SUGP2: variants seen among roughly 807,000 people sequenced by gnomAD.
SUGP2 encodes the protein SURP and G-patch domain-containing protein 2.
Under a neutral mutation model 90.5 loss-of-function variants are expected in SUGP2, and 24 were observed. That is an observed-to-expected ratio of 0.27 (90% CI 0.19 to 0.37). SUGP2 has a LOEUF of 0.37. Ranked by LOEUF, SUGP2 falls within the 10% of genes least tolerant of loss-of-function variation. The pLI is 1.00. For synonymous variants in SUGP2, 473 were observed against 513.4 expected (o/e 0.92, Z 1.06); for missense variants, 1,233 against 1,363.3 (o/e 0.90, Z 1.51).
intron 6 of SUGP2, among the ~76,000 whole-genome samples, chr19:19,008,052 A>G (rs544623390): frequency 6.6e-6 from 1 of 152,144 alleles, no homozygotes; most frequent in Admixed American, 6.5e-5. Context: ...TGAAGTCATG[A>G]CTTACTCCTG....
chr19:19,022,740 G>A (rs1432736630), intron 3 of SUGP2, among the ~76,000 whole-genome samples: 2 of 152,126 alleles, frequency 1.3e-5, no homozygotes, highest in Non-Finnish European at 2.9e-5. Context: ...CTTAAGCCCT[G>A]AGCCTACTTC....
In SUGP2 at chr19:19,025,247, G is replaced by A. The variant is rs748433003; in HGVS notation, c.1101C>T (p.Ala367=). 6 of 1,613,202 alleles carry A rather than the reference G, an allele frequency of 3.7e-6. No homozygotes were observed. In the South Asian group the frequency reaches 6.6e-5, roughly 18 times the overall value. The part of the protein sequence containing the change: ...LETETCAKML[A]SFKCSLKPEH... The stretch of plus-strand genomic sequence containing the variant: ...CTGGTTTTAAGGAACATTTGAATGA[G>A]GCAAGCATTTTAGCACAGGTTTCTG... Residue 367 remains alanine, a synonymous_variant, in exon 3 of 11, where the codon GCC becomes GCT. Transcript: ENST00000452918.
At chr19:19,015,320 G>A (rs1462897973) in intron 4 of SUGP2, among the ~76,000 whole-genome samples, 1 of 152,172 alleles carries the variant, frequency 6.6e-6, no homozygotes, top group African/African-American at 2.4e-5. Context: ...ATGGAAACAG[G>A]TCACAGCAGA....
Position 19,004,490 on chromosome 19 carries a change from T to C in SUGP2, c.2607A>G (p.Glu869=). ...GCTCGTCTTCAAACTCTGCTTCCCC[T>C]TCCATGAGGTCCACGGGGCTCTCCT... ...GSQESPVDLM[E]GEAEFEDEPP... Residue 869 remains glutamate, a synonymous_variant, in exon 7 of 11, where the codon GAA becomes GAG. Coordinates refer to ENST00000452918, the MANE Select transcript of SUGP2 (RefSeq NM_001017392.5). 2 of 1,614,220 alleles carry C rather than the reference T, an allele frequency of 1.2e-6. No individual in the cohort carries two copies. The highest frequency in any genetic ancestry group is 1.7e-6 in the Non-Finnish European group (2 of 1,180,034).
Position 19,008,406 on chromosome 19 carries a change from A to G in SUGP2, c.2361T>C (p.Thr787=), listed in dbSNP as rs2058171886. ...CAACAAATCTAGCCAGTTTCTCTGC[A>G]GTCTCCATTGTCTTCATGTCAACTA... ...SADIDMKTME[T]AEKLARFVAQ... The change falls in exon 6 of 11, where the codon ACT becomes ACC. Residue 787 remains threonine (T), a synonymous_variant. Transcript: ENST00000452918. 1 of 1,614,146 alleles carries G rather than the reference A, an allele frequency of 6.2e-7. No homozygotes were observed. The highest frequency in any genetic ancestry group is 8.5e-7 in the Non-Finnish European group (1 of 1,179,974).
In SUGP2 at chr19:18,993,582, A is replaced by G. The variant is rs1350357840; in HGVS notation, c.*159T>C. On this transcript the variant is annotated 3_prime_UTR_variant, in exon 11 of 11. Coordinates refer to ENST00000452918, the MANE Select transcript of SUGP2 (RefSeq NM_001017392.5). ...TGTTTTTTTCTTTGAGAGAAAGAAA[A>G]GCCAGCGAAACCTCCGCCCCAGAGA... 2.0e-5 allele frequency: 3 copies of G among 152,654 alleles called. No individual in the cohort carries two copies. The highest frequency in any genetic ancestry group is 4.4e-5 in the Non-Finnish European group (3 of 68,048). 9.5% of individuals were successfully genotyped at this position (152,654 alleles called of 1,614,324 possible).
chr19:18,994,488 T>TA lies in SUGP2; in HGVS notation c.3129-3dup, dbSNP rs763546875. The TA allele has an allele frequency of 3.1e-6, 5 of 1,613,432 alleles. No individual in the cohort carries two copies. In the African/African-American group the frequency reaches 6.7e-5, roughly 22 times the overall value. On this transcript the variant is annotated splice_region_variant and splice_polypyrimidine_tract_variant and intron_variant, in intron 9 of 10. Transcript: ENST00000452918. The stretch of plus-strand genomic sequence containing the variant: ...CCTTCCCCTTCCGAGGGGGTTCCCC[T>TA]AGGGAGTGAAAAAGAGAGTCAGTTG...
intron 8 of SUGP2, chr19:18,998,872 G>C (rs977321582): frequency 1.3e-5 from 2 of 152,378 alleles, no homozygotes; most frequent in African/African-American, 2.4e-5. Context: ...CTACACTGGG[G>C]GGCCCCTTGC....
intron 4 of SUGP2, among the ~76,000 whole-genome samples, chr19:19,015,035 A>G (rs1165336456): frequency 6.6e-6 from 1 of 151,814 alleles, no homozygotes; most frequent in Non-Finnish European, 1.5e-5. Flanking sequence ...TCCCGTCTCT[A>G]CTAAAAATAC....
At chr19:19,005,872 CA>C (rs60490883) in intron 6 of SUGP2, among the ~76,000 whole-genome samples, 4,312 of 34,422 alleles carry the variant, frequency 0.13, 182 homozygotes, top group African/African-American at 0.27. Flanking sequence ...CACACACACA[CA>C]CACACACACA....
chr19:19,021,420 T>A (rs990538226), intron 3 of SUGP2, among the ~76,000 whole-genome samples: 2 of 152,088 alleles, frequency 1.3e-5, no homozygotes, highest in Non-Finnish European at 2.9e-5. Flanking sequence ...TTCATGGCTC[T>A]CTTTTTACAG....
At position 19,024,761 on chromosome 19, in the gene SUGP2, G is replaced by T; in HGVS notation, c.1587C>A (p.Asp529Glu). 6.2e-7 allele frequency: 1 copy of T among 1,614,176 alleles called. No individual in the cohort carries two copies. Among genetic ancestry groups the T allele is most frequent in the Non-Finnish European group, 8.5e-7 (1 of 1,180,040 alleles). The change falls in exon 3 of 11, where the codon GAC (aspartate) becomes GAA (glutamate). Residue 529 changes from aspartate (D) to glutamate (E), a missense_variant. Asp to Glu is a conservative substitution (Grantham distance 45, BLOSUM62 2). Coordinates refer to ENST00000452918, the MANE Select transcript of SUGP2 (RefSeq NM_001017392.5). ...TGCTGACTAGCCAGGCCTTCAGGTG[G>T]TCTATGTACTCTCGCCCAAACAAAG... is the stretch of plus-strand genomic sequence containing the variant. ...DSTLFGREYI[D>E]HLKAWLVSSG... is the part of the protein sequence containing the mutation.
chr19:19,030,130 T>C (rs1422246196), intron 2 of SUGP2, among the ~76,000 whole-genome samples: 3 of 149,668 alleles, frequency 2.0e-5, no homozygotes, highest in South Asian at 2.1e-4. Context: ...CCTGAAAACA[T>C]AGCAAGACTC....
At position 19,004,637 on chromosome 19, in the gene SUGP2, A is replaced by T; in HGVS notation, c.2460T>A (p.His820Gln). ...ATTTGAAAGCAGAACTATTTTGGTCATGTAGAAACCTGGGGCACAGAGGAA... is the reference window on the plus strand; with the variant it reads ...ATTTGAAAGCAGAACTATTTTGGTCTTGTAGAAACCTGGGGCACAGAGGAA... ...STDNPDLWFL[H>Q]DQNSSAFKFY... The change falls in exon 7 of 11, where the codon CAT becomes CAA. Residue 820 changes from histidine (H) to glutamine (Q), a missense_variant. Transcript: ENST00000452918. 1 of 1,604,288 alleles carries T rather than the reference A, an allele frequency of 6.2e-7. No individual in the cohort carries two copies.
chr19:19,019,719 T>A (rs2058636978), intron 3 of SUGP2, among the ~76,000 whole-genome samples: 1 of 150,352 alleles, frequency 6.7e-6, no homozygotes, highest in Non-Finnish European at 1.5e-5. Flanking sequence ...ACAGAGGTTA[T>A]AGGGGGTAGA....
At chr19:19,018,698 A>AAG (rs1383070323) in intron 4 of SUGP2, among the ~76,000 whole-genome samples, 1 of 151,952 alleles carries the variant, frequency 6.6e-6, no homozygotes, top group African/African-American at 2.4e-5. Flanking sequence ...AAAAAAAAAA[A>AAG]AAAAAAAAAA....
At position 18,994,462 on chromosome 19, in the gene SUGP2, C is replaced by T; in HGVS notation, c.3153G>A (p.Gly1051=). The T allele has an allele frequency of 6.2e-7, 1 of 1,614,182 alleles. No individual in the cohort carries two copies. The highest frequency in any genetic ancestry group is 1.1e-5 in the South Asian group (1 of 91,084). ...VSVGTPSEGE[G]LGADGQEHKE... Reference sequence around the variant, plus strand: ...TGTGCTCCTGCCCGTCAGCACCCAACCCTTCCCCTTCCGAGGGGGTTCCCC... The same window carrying T: ...TGTGCTCCTGCCCGTCAGCACCCAATCCTTCCCCTTCCGAGGGGGTTCCCC... The change falls in exon 10 of 11, where the codon GGG becomes GGA. Residue 1051 remains glycine (G), a synonymous_variant. Transcript: ENST00000452918.
Position 19,026,177 on chromosome 19 carries a change from G to T in SUGP2, c.171C>A (p.Val57=), listed in dbSNP as rs778796152. Residue 57 remains valine, a synonymous_variant, in exon 3 of 11, where the codon GTC becomes GTA. Transcript: ENST00000452918. ...PRSRAEMYDD[V]HSDGRYSLSG... The stretch of plus-strand genomic sequence containing the variant: ...TGAGGGAGTATCTGCCATCGCTGTG[G>T]ACGTCATCATACATCTCTGCTCTGG... The T allele has an allele frequency of 6.2e-7, 1 of 1,612,550 alleles. No homozygotes were observed. The highest frequency in any genetic ancestry group is 1.7e-5 in the Admixed American group (1 of 59,892).
chr19:19,032,641 C>T (rs1243587852), intron 1 of SUGP2, among the ~76,000 whole-genome samples: 1 of 152,032 alleles, frequency 6.6e-6, no homozygotes, highest in African/African-American at 2.4e-5. Context: ...ACTGAAGAGG[C>T]GGGTCCTGTT....
Sources: gnomAD v4.1 joint callset for allele counts (sites outside exome capture counted in the v4.1 genomes callset) on GRCh38, gnomAD v4.1.1 for gene constraint, MANE v1.5 for transcripts, NCBI Gene and HGNC (gene_info 2026-07-23, HGNC 2026-07-21) for gene names.